RSPO2: variants seen among roughly 807,000 people sequenced by gnomAD.
The protein encoded by RSPO2 is R-spondin 2, also known as R-spondin-2.
In RSPO2, 14 loss-of-function variants were observed where a neutral mutation model predicts 30.9. That is an observed-to-expected ratio of 0.45 (90% CI 0.30 to 0.71). The LOEUF (loss-of-function observed/expected upper bound fraction) is 0.71. Among genes scored for constraint, RSPO2 ranks in the 30% least tolerant of loss-of-function variants. RSPO2 has a pLI of 0.08. For synonymous variants in RSPO2, 107 were observed against 96.4 expected, an observed-to-expected ratio of 1.11 and a Z score of -0.64; for missense variants, 264 against 301.9, an observed-to-expected ratio of 0.87 and a Z score of 0.93.
At chr8:108,000,838 A>G (rs1398443476) in intron 2 of RSPO2, among the ~76,000 whole-genome samples, 1 of 152,012 alleles carries the variant, frequency 6.6e-6, no homozygotes, top group Non-Finnish European at 1.5e-5. Flanking sequence ...TGTCTCTACT[A>G]AAAATACAAA....
intron 2 of RSPO2, among the ~76,000 whole-genome samples, chr8:107,994,200 T>C (rs963829411): frequency 1.3e-5 from 2 of 152,170 alleles, no homozygotes; most frequent in Non-Finnish European, 2.9e-5. Flanking sequence ...CCCAAAACTA[T>C]GCATTTATCT....
At chr8:107,997,667 C>T (rs1815077719) in intron 2 of RSPO2, among the ~76,000 whole-genome samples, 1 of 152,160 alleles carries the variant, frequency 6.6e-6, no homozygotes. Flanking sequence ...CTACCTAAAT[C>T]ACAAACAGTT....
At chr8:107,964,396 C>T (rs1813730378) in intron 3 of RSPO2, among the ~76,000 whole-genome samples, 1 of 152,200 alleles carries the variant, frequency 6.6e-6, no homozygotes, top group Admixed American at 6.5e-5. Flanking sequence ...CATCATGCGC[C>T]ACCATGCCCA....
At chr8:107,965,194 A>T (rs1375223822) in intron 3 of RSPO2, among the ~76,000 whole-genome samples, 1 of 152,200 alleles carries the variant, frequency 6.6e-6, no homozygotes, top group African/African-American at 2.4e-5. Flanking sequence ...CATGCTTCTA[A>T]ATTACAGTGC....
At chr8:107,949,955 C>T (rs369833511) in intron 5 of RSPO2, among the ~76,000 whole-genome samples, 192 of 152,260 alleles carry the variant, frequency 1.3e-3, no homozygotes, top group African/African-American at 4.5e-3. Flanking sequence ...CAAGGATAAA[C>T]GCCAAGCTGC....
At chr8:108,003,299 ATATATATATATATTTTTTTTTTTTT>A (rs1223880693) in intron 2 of RSPO2, among the ~76,000 whole-genome samples, 7 of 23,300 alleles carry the variant, frequency 3.0e-4, no homozygotes, top group African/African-American at 1.2e-3. Context: ...ATATATATAT[ATATATATATATATTTTTTTTTTTTT>A]TTTTTTTTTT....
intron 2 of RSPO2, among the ~76,000 whole-genome samples, chr8:108,023,140 T>A (rs1283001530): frequency 6.6e-6 from 1 of 152,202 alleles, no homozygotes; most frequent in East Asian, 1.9e-4. Flanking sequence ...AATGACTCAA[T>A]CAAGTTTTCA....
At chr8:107,939,380 G>A (rs542550286) in intron 5 of RSPO2, among the ~76,000 whole-genome samples, 4 of 150,942 alleles carry the variant, frequency 2.7e-5, no homozygotes, top group South Asian at 2.1e-4. Context: ...GAGAACAAGC[G>A]AAAAAATATA....
At chr8:107,924,807 G>GCT (rs1812301156) in intron 5 of RSPO2, among the ~76,000 whole-genome samples, 2 of 130,932 alleles carry the variant, frequency 1.5e-5, no homozygotes, top group South Asian at 5.7e-4. Context: ...TGTATTCCCA[G>GCT]CTCTCACCTA....
At chr8:108,058,822 C>A (rs567563101) in intron 2 of RSPO2, among the ~76,000 whole-genome samples, 1 of 151,694 alleles carries the variant, frequency 6.6e-6, no homozygotes, top group Non-Finnish European at 1.5e-5. Context: ...CGGATCCCTT[C>A]GTTACACCTT....
intron 3 of RSPO2, among the ~76,000 whole-genome samples, chr8:107,969,354 G>A (rs1415351348): frequency 6.6e-6 from 1 of 152,040 alleles, no homozygotes; most frequent in Admixed American, 6.6e-5. Context: ...AAATGTATCA[G>A]GGAAAAGTAT....
At chr8:107,940,713 G>A (rs1812868787) in intron 5 of RSPO2, among the ~76,000 whole-genome samples, 1 of 152,092 alleles carries the variant, frequency 6.6e-6, no homozygotes, top group Non-Finnish European at 1.5e-5. Context: ...AACTTGGAAA[G>A]CTAAAGAACC....
chr8:107,901,651 C>CT (rs1324827895), intron 5 of RSPO2, among the ~76,000 whole-genome samples: 1 of 152,222 alleles, frequency 6.6e-6, no homozygotes, highest in Non-Finnish European at 1.5e-5. Flanking sequence ...AAGAGTCTTG[C>CT]TTTTAACATT....
At chr8:107,972,991 C>T (rs550569170) in intron 3 of RSPO2, among the ~76,000 whole-genome samples, 7 of 152,302 alleles carry the variant, frequency 4.6e-5, no homozygotes, top group South Asian at 2.1e-4. Context: ...AAGCTGGCGG[C>T]CGAGTGCGGT....
chr8:108,055,946 G>A (rs1187111524), intron 2 of RSPO2, among the ~76,000 whole-genome samples: 1 of 152,168 alleles, frequency 6.6e-6, no homozygotes, highest in African/African-American at 2.4e-5. Flanking sequence ...AGAATGCCTA[G>A]ATAGAATTCT....
intron 2 of RSPO2, among the ~76,000 whole-genome samples, chr8:108,027,846 G>C (rs769183950): frequency 6.6e-6 from 1 of 152,054 alleles, no homozygotes; most frequent in Admixed American, 6.5e-5. Context: ...CCTACTCTAA[G>C]AGTCAATGTA....
intron 2 of RSPO2, among the ~76,000 whole-genome samples, chr8:108,050,790 A>G (rs1304321233): frequency 6.6e-6 from 1 of 152,240 alleles, no homozygotes; most frequent in African/African-American, 2.4e-5. Context: ...TGAGGCAGGG[A>G]AAGAAGTGGC....
At chr8:108,066,537 T>C (rs1006487286) in intron 2 of RSPO2, among the ~76,000 whole-genome samples, 2 of 152,178 alleles carry the variant, frequency 1.3e-5, no homozygotes, top group African/African-American at 4.8e-5. Context: ...AGGAATGGCT[T>C]GACACAAATC....
In RSPO2 at chr8:107,958,254, C is replaced by CA; in HGVS notation, c.441dup (p.Gly148TrpfsTer10). 1.2e-6 allele frequency: 2 copies of CA among 1,612,258 alleles called. No homozygotes were observed. The highest frequency in any genetic ancestry group is 1.7e-6 in the Non-Finnish European group (2 of 1,178,758). On this transcript the variant is annotated frameshift_variant, in exon 5 of 6. Transcript: ENST00000276659. LOFTEE classifies it high-confidence loss of function. ...CAAGTTCCCCATTCGCTCCAATGAC[C>CA]AACTTCACATCCTTCTAGTAAAGAT...
Sources: allele counts gnomAD v4.1 joint callset (sites outside exome capture counted in the v4.1 genomes callset), GRCh38; gene constraint gnomAD v4.1.1; transcripts MANE v1.5; gene names NCBI Gene and HGNC (gene_info 2026-07-23, HGNC 2026-07-21).